The following NELL1 variants were observed in gnomAD, a reference collection of about 807,000 sequenced individuals.
The protein encoded by NELL1 is protein kinase C-binding protein NELL1.
A neutral mutation model predicts 107.4 loss-of-function variants in NELL1; 76 were observed. That is an observed-to-expected ratio of 0.71 (90% confidence interval 0.59 to 0.86). The LOEUF is 0.86. Among genes scored for constraint, NELL1 ranks in the 40% least tolerant of loss-of-function variants. The pLI, the probability that NELL1 is intolerant of heterozygous loss-of-function variation, is 0.00. For synonymous variants in NELL1, 353 were observed against 341.2 expected (o/e 1.03, Z -0.38); for missense variants, 1,024 against 1,005.5 (o/e 1.02, Z -0.25).
chr11:21,329,626 TTTTAAA>T lies in NELL1; in HGVS notation c.1550-41226_1550-41221del, dbSNP rs566684409. The stretch of plus-strand genomic sequence containing the variant: ...AATTATCCTTCTTTTTAAACCCACT[TTTTAAA>T]GTATACATATAAGCCTTTTTAAAGT... On this transcript the variant is annotated intron_variant, in intron 14 of 19. Transcript: ENST00000357134. 3.9e-5 allele frequency among the ~76,000 whole-genome samples: 6 copies of T among 152,302 alleles called. No individual in the cohort carries two copies. In the South Asian group the frequency reaches 1.2e-3, roughly 32 times the overall value.
intron 12 of NELL1, among the ~76,000 whole-genome samples, chr11:21,058,077 G>T (rs573566910): frequency 3.4e-4 from 52 of 152,148 alleles, no homozygotes; most frequent in African/African-American, 1.2e-3. Flanking sequence ...AGGCTAAGGA[G>T]ATTTTAATAC....
intron 3 of NELL1, among the ~76,000 whole-genome samples, chr11:20,846,968 C>A (rs1848711436): frequency 6.6e-6 from 1 of 152,106 alleles, no homozygotes; most frequent in African/African-American, 2.4e-5. Context: ...GGATCATAAT[C>A]CTGGAAAAGA....
At chr11:21,370,561 T>G (rs892543261) in intron 14 of NELL1, among the ~76,000 whole-genome samples, 2 of 152,100 alleles carry the variant, frequency 1.3e-5, no homozygotes, top group African/African-American at 4.8e-5. Flanking sequence ...CTATTTGATT[T>G]CAAATGTATA....
intron 12 of NELL1, among the ~76,000 whole-genome samples, chr11:21,054,627 A>G (rs1191380455): frequency 1.3e-5 from 2 of 152,028 alleles, no homozygotes; most frequent in Admixed American, 1.3e-4. Context: ...GACTTTGTTA[A>G]TTTGGTAGGT....
intron 13 of NELL1, among the ~76,000 whole-genome samples, chr11:21,132,126 C>T (rs574199115): frequency 3.9e-5 from 6 of 152,140 alleles, no homozygotes; most frequent in Admixed American, 6.5e-5. Context: ...CATAGAGGCT[C>T]ATGGTGCAAT....
At chr11:21,235,464 A>C (rs1858182056) in intron 14 of NELL1, among the ~76,000 whole-genome samples, 1 of 152,160 alleles carries the variant, frequency 6.6e-6, no homozygotes, top group South Asian at 2.1e-4. Flanking sequence ...AGTGTGGACT[A>C]TGCTCATTAT....
At chr11:20,690,128 G>A (rs907981153) in intron 2 of NELL1, among the ~76,000 whole-genome samples, 2 of 151,598 alleles carry the variant, frequency 1.3e-5, no homozygotes, top group African/African-American at 2.4e-5. Flanking sequence ...CTTTTTGATG[G>A]GGTTGTTTTT....
At chr11:20,935,537 C>G (rs1430627954) in intron 9 of NELL1, among the ~76,000 whole-genome samples, 1 of 152,128 alleles carries the variant, frequency 6.6e-6, no homozygotes, top group Non-Finnish European at 1.5e-5. Context: ...GATAAGAAGC[C>G]TCATGAATGG....
At chr11:21,425,217 C>A (rs1485206037) in intron 15 of NELL1, among the ~76,000 whole-genome samples, 2 of 152,056 alleles carry the variant, frequency 1.3e-5, no homozygotes, top group Non-Finnish European at 2.9e-5. Flanking sequence ...AACAAATTCC[C>A]AAAGTCTTTT....
intron 15 of NELL1, among the ~76,000 whole-genome samples, chr11:21,395,039 G>A (rs1851951836): frequency 6.6e-6 from 1 of 151,410 alleles, no homozygotes. Flanking sequence ...ATGGATTTGA[G>A]AGACTGAAAG....
intron 2 of NELL1, among the ~76,000 whole-genome samples, chr11:20,727,044 C>G (rs1274070795): frequency 2.0e-5 from 3 of 152,128 alleles, no homozygotes; most frequent in Non-Finnish European, 4.4e-5. Flanking sequence ...GTGAATAGTG[C>G]CGCAATAAAC....
At chr11:20,686,937 T>G (rs995541002) in intron 2 of NELL1, among the ~76,000 whole-genome samples, 4 of 151,666 alleles carry the variant, frequency 2.6e-5, no homozygotes, top group Non-Finnish European at 5.9e-5. Flanking sequence ...CTTCAGTTTT[T>G]TTTTTTTTTT....
chr11:21,252,665 T>C (rs570611892), intron 14 of NELL1, among the ~76,000 whole-genome samples: 2 of 152,264 alleles, frequency 1.3e-5, no homozygotes, highest in East Asian at 3.9e-4. Context: ...GAAATGGAAC[T>C]AAAATGGAAG....
chr11:20,706,672 A>G (rs933843168), intron 2 of NELL1, among the ~76,000 whole-genome samples: 1 of 152,054 alleles, frequency 6.6e-6, no homozygotes, highest in Non-Finnish European at 1.5e-5. Flanking sequence ...TAATAATAAC[A>G]AAATAAAAAA....
intron 12 of NELL1, among the ~76,000 whole-genome samples, chr11:21,061,028 C>G (rs1341691549): frequency 6.6e-6 from 1 of 152,212 alleles, no homozygotes; most frequent in African/African-American, 2.4e-5. Context: ...AGCCACCACG[C>G]CTGGCCCCAC....
intron 12 of NELL1, among the ~76,000 whole-genome samples, chr11:21,107,120 C>T (rs1854988165): frequency 1.3e-5 from 2 of 152,158 alleles, no homozygotes; most frequent in South Asian, 4.1e-4. Context: ...ACATTTGTTA[C>T]AATTGATGGA....
chr11:20,749,464 A>G (rs571737879), intron 2 of NELL1, among the ~76,000 whole-genome samples: 1 of 151,942 alleles, frequency 6.6e-6, no homozygotes, highest in Non-Finnish European at 1.5e-5. Flanking sequence ...ATCCAGGCAT[A>G]GTGGTATGTG....
At chr11:20,988,672 G>A (rs1448235003) in intron 12 of NELL1, among the ~76,000 whole-genome samples, 2 of 151,274 alleles carry the variant, frequency 1.3e-5, no homozygotes, top group African/African-American at 2.4e-5. Flanking sequence ...CTCACTGCAA[G>A]CTCCGCCTCC....
intron 15 of NELL1, among the ~76,000 whole-genome samples, chr11:21,372,162 C>G (rs995130245): frequency 6.6e-6 from 1 of 151,604 alleles, no homozygotes; most frequent in Admixed American, 6.6e-5. Context: ...TTGCGCAGCG[C>G]AAGAGAATTA....
Sources: gnomAD v4.1 joint callset for allele counts (sites outside exome capture counted in the v4.1 genomes callset) on GRCh38, gnomAD v4.1.1 for gene constraint, MANE v1.5 for transcripts, NCBI Gene and HGNC (gene_info 2026-07-23, HGNC 2026-07-21) for gene names.